The following PRMT8 variants were observed in gnomAD, a reference collection of about 807,000 sequenced individuals.
PRMT8 encodes the protein protein arginine methyltransferase 8.
A neutral mutation model predicts 47.1 loss-of-function variants in PRMT8; 7 were observed. The observed-to-expected ratio is 0.15, with a 90% CI of 0.08 to 0.28. The LOEUF is 0.28. Among genes scored for constraint, PRMT8 ranks in the 10% least tolerant of loss-of-function variants. PRMT8 has a pLI of 1.00. For synonymous variants in PRMT8, 188 were observed against 186.5 expected (o/e 1.01, Z -0.07); for missense variants, 237 against 505.4 (o/e 0.47, Z 5.09).
chr12:3,454,103 G>C (rs972305794), intron 1 of PRMT8, among the ~76,000 whole-genome samples: 1 of 152,144 alleles, frequency 6.6e-6, no homozygotes, highest in Non-Finnish European at 1.5e-5. Flanking sequence ...GGCCAAACAC[G>C]GAGGCCCATC....
chr12:3,537,771 C>G (rs1866144134), intron 1 of PRMT8, among the ~76,000 whole-genome samples: 1 of 152,232 alleles, frequency 6.6e-6, no homozygotes, highest in Admixed American at 6.5e-5. Flanking sequence ...TCTGCACTTT[C>G]TCTGGCAGGC....
At chr12:3,444,248 A>G (rs1351599263) in intron 1 of PRMT8, among the ~76,000 whole-genome samples, 1 of 152,166 alleles carries the variant, frequency 6.6e-6, no homozygotes, top group African/African-American at 2.4e-5. Context: ...GATGCTTAGT[A>G]AACACTCCTG....
intron 1 of PRMT8, among the ~76,000 whole-genome samples, chr12:3,440,991 G>T (rs1265651025): frequency 1.3e-5 from 2 of 152,130 alleles, no homozygotes; most frequent in Non-Finnish European, 2.9e-5. Context: ...TTGCGCCCTT[G>T]TGAGTTATCT....
chr12:3,540,788 C>T lies in PRMT8; in HGVS notation c.258C>T (p.His86=), dbSNP rs77935028. 4.7e-4 allele frequency: 754 copies of T among 1,613,328 alleles called. 1 individual carries two copies. Among genetic ancestry groups the T allele is most frequent in the East Asian group, 4.0e-3 (179 of 44,876 alleles). Residue 86 remains histidine (H), a synonymous_variant, in exon 2 of 10, where the codon CAC becomes CAT. Coordinates refer to ENST00000382622, the MANE Select transcript of PRMT8 (RefSeq NM_019854.5). ...YFDSYAHFGI[H]EEMLKDEVRT... Reference sequence around the variant, plus strand: ...ACTCCTATGCCCACTTTGGGATCCACGAGGTAAAGTGTCCCGAGTGGGTGG... The same window carrying T: ...ACTCCTATGCCCACTTTGGGATCCATGAGGTAAAGTGTCCCGAGTGGGTGG...
chr12:3,583,240 C>A lies in PRMT8; in HGVS notation c.979+32C>A, dbSNP rs777106652. The A allele has an allele frequency of 6.3e-7, 1 of 1,587,110 alleles. No homozygotes were observed. Among genetic ancestry groups the A allele is most frequent in the Non-Finnish European group, 8.6e-7 (1 of 1,165,298 alleles). On this transcript the variant is annotated intron_variant, in intron 8 of 9. Coordinates refer to ENST00000382622, the MANE Select transcript of PRMT8 (RefSeq NM_019854.5). The surrounding 1 kb of genome is among the most constrained non-coding windows in gnomAD (Gnocchi z 4.7). ...TGTTTGTTGCTTCCCAGAGCCTCCT[C>A]CCTCTCCCATGCTTCCTCAAGTCTT...
rs895988152 is a variant in PRMT8 at position 3,491,293 on chromosome 12, ACCGCCGCCG to A, written c.-322_-314del. ...GCGAGCAGCCTGGAGAGGATCCGCG[ACCGCCGCCG>A]CCGCCGCCGCGGAGGCTTCGGGGCT... On this transcript the variant is annotated 5_prime_UTR_variant, in exon 1 of 10. Transcript: ENST00000382622. The A allele has an allele frequency of 3.0e-5, 34 of 1,125,952 alleles. No homozygotes were observed. The highest frequency in any genetic ancestry group is 2.1e-4 in the African/African-American group (13 of 61,032). The allele number at this position is 1,125,952 out of a possible 1,614,324, so 69.7% of individuals were successfully genotyped here. A position where few individuals can be genotyped will look rare whatever the true frequency, so the allele number is the denominator to read the frequency against.
chr12:3,554,921 G>A (rs749144772), intron 4 of PRMT8, among the ~76,000 whole-genome samples: 2 of 152,266 alleles, frequency 1.3e-5, no homozygotes, highest in African/African-American at 2.4e-5. Flanking sequence ...ACCCCTCTGG[G>A]TCTGACCTGA....
At chr12:3,442,717 G>A (rs1021322409) in intron 1 of PRMT8, among the ~76,000 whole-genome samples, 1 of 152,156 alleles carries the variant, frequency 6.6e-6, no homozygotes, top group African/African-American at 2.4e-5. Context: ...GGAGTGCAAT[G>A]GCATGGTCTT....
chr12:3,430,547 C>A (rs1176489631), intron 1 of PRMT8, among the ~76,000 whole-genome samples: 1 of 152,120 alleles, frequency 6.6e-6, no homozygotes, highest in Non-Finnish European at 1.5e-5. Flanking sequence ...AAAATGCCTA[C>A]CAGGAAACCA....
intron 1 of PRMT8, among the ~76,000 whole-genome samples, chr12:3,396,041 C>T (rs1565397574): frequency 6.6e-6 from 1 of 151,920 alleles, no homozygotes; most frequent in African/African-American, 2.4e-5. Flanking sequence ...CAACCCCTGC[C>T]TTTTTTCGTT....
In PRMT8 at chr12:3,550,102, C is replaced by T. The variant is rs376178945; in HGVS notation, c.417+11C>T. ...AAGAAGGTGTTTGGGGTGAGCACGC[C>T]GCTTCCTCCTGCATGCTGGCTTCCA... On this transcript the variant is annotated intron_variant, in intron 3 of 9. Coordinates refer to ENST00000382622, the MANE Select transcript of PRMT8 (RefSeq NM_019854.5). The surrounding 1 kb of genome is among the most constrained non-coding windows in gnomAD (Gnocchi z 5.1). 2.5e-5 allele frequency: 40 copies of T among 1,612,872 alleles called. No individual in the cohort carries two copies. The highest frequency in any genetic ancestry group is 8.9e-5 in the East Asian group (4 of 44,862).
At position 3,549,923 on chromosome 12, in the gene PRMT8, C is replaced by A. The variant is rs909939643; in HGVS notation, c.262-13C>A. On this transcript the variant is annotated splice_polypyrimidine_tract_variant and intron_variant, in intron 2 of 9. Coordinates refer to ENST00000382622, the MANE Select transcript of PRMT8 (RefSeq NM_019854.5). ...AATTCACTGACATTTCCTTTCTTTTCCCTCCATCACAGGAAATGCTGAAGG... is the reference window on the plus strand; with the variant it reads ...AATTCACTGACATTTCCTTTCTTTTACCTCCATCACAGGAAATGCTGAAGG... 1 of 1,611,938 alleles carries A rather than the reference C, an allele frequency of 6.2e-7. No individual in the cohort carries two copies. Among genetic ancestry groups the A allele is most frequent in the Non-Finnish European group, 8.5e-7 (1 of 1,178,206 alleles).
intron 1 of PRMT8, among the ~76,000 whole-genome samples, chr12:3,518,676 T>G (rs992564622): frequency 1.3e-5 from 2 of 151,992 alleles, no homozygotes; most frequent in Non-Finnish European, 2.9e-5. Context: ...CGGGCCCAAA[T>G]GCAAGACCCT....
chr12:3,578,698 G>T (rs912302503), intron 7 of PRMT8, among the ~76,000 whole-genome samples: 9 of 152,164 alleles, frequency 5.9e-5, no homozygotes, highest in Non-Finnish European at 1.3e-4. Flanking sequence ...AAGGACGGGG[G>T]TGGGGGAGGT....
At chr12:3,391,577 G>A (rs999716392) in intron 1 of PRMT8, among the ~76,000 whole-genome samples, 1 of 152,194 alleles carries the variant, frequency 6.6e-6, no homozygotes, top group African/African-American at 2.4e-5. Context: ...TTAGGTAATA[G>A]CTGTAAACTT....
chr12:3,469,588 C>T (rs1339163582), intron 1 of PRMT8, among the ~76,000 whole-genome samples: 1 of 151,988 alleles, frequency 6.6e-6, no homozygotes, highest in Non-Finnish European at 1.5e-5. Flanking sequence ...TAAGGAGTGA[C>T]CGTTGGCCAG....
chr12:3,549,191 G>A (rs1225582275), intron 2 of PRMT8, among the ~76,000 whole-genome samples: 1 of 152,166 alleles, frequency 6.6e-6, no homozygotes, highest in Non-Finnish European at 1.5e-5. Context: ...GGTTATGGTG[G>A]TGCTTACACA....
rs1867108491 is a variant in PRMT8 at position 3,583,338 on chromosome 12, C to T, written c.979+130C>T. 2 of 1,016,606 alleles carry T rather than the reference C, an allele frequency of 2.0e-6. No homozygotes were observed. The highest frequency in any genetic ancestry group is 1.7e-5 in the South Asian group (1 of 57,900). The allele number at this position is 1,016,606 out of a possible 1,614,324, so 63.0% of individuals were successfully genotyped here. ...GTTAGCTGGGTGACACCTATCAACC[C>T]TCTCCAGCCATGGAGGAACCATGCA... is the stretch of plus-strand genomic sequence containing the variant. On this transcript the variant is annotated intron_variant, in intron 8 of 9. Coordinates refer to ENST00000382622, the MANE Select transcript of PRMT8 (RefSeq NM_019854.5). This position sits in a 1 kb window ranked among gnomAD's most constrained non-coding sequence, Gnocchi z 4.7.
At chr12:3,582,216 T>C (rs1276150930) in intron 7 of PRMT8, among the ~76,000 whole-genome samples, 1 of 152,186 alleles carries the variant, frequency 6.6e-6, no homozygotes, top group Non-Finnish European at 1.5e-5. Flanking sequence ...CCAGCATTCT[T>C]CCATAGAAAA....
Sources: allele counts gnomAD v4.1 joint callset (sites outside exome capture counted in the v4.1 genomes callset), GRCh38; gene constraint gnomAD v4.1.1; non-coding constraint Gnocchi (gnomAD v3.1); transcripts MANE v1.5; gene names NCBI Gene and HGNC (gene_info 2026-07-23, HGNC 2026-07-21).